SLC71A1: variants seen among roughly 807,000 people sequenced by gnomAD.
SLC71A1 encodes hippocampus abundant gene transcript 1.
At chr1:100,063,805 G>A in the SLC71A1 span, among the ~76,000 whole-genome samples, 1 of 152,140 alleles carries the variant, frequency 6.6e-6, no homozygotes, top group African/African-American at 2.4e-5. Flanking sequence ...CAAAAAAGGG[G>A]GTTGGGGGGT....
At chr1:100,074,774 C>T in the SLC71A1 span, among the ~76,000 whole-genome samples, 1 of 152,100 alleles carries the variant, frequency 6.6e-6, no homozygotes, top group Non-Finnish European at 1.5e-5. Context: ...ACTCGGGAGG[C>T]TGAGGCAGAA....
chr1:100,049,887 TA>T, the SLC71A1 span: 8 of 1,363,818 alleles, frequency 5.9e-6, no homozygotes, highest in Non-Finnish European at 7.2e-6. Context: ...TTTAACTTTT[TA>T]AAAAATCTTG....
the SLC71A1 span, among the ~76,000 whole-genome samples, chr1:100,063,248 T>G: frequency 6.6e-6 from 1 of 150,920 alleles, no homozygotes; most frequent in Non-Finnish European, 1.5e-5. Context: ...TTCTGTGTAT[T>G]AAGCCATGTT....
chr1:100,058,502 C>T, the SLC71A1 span, among the ~76,000 whole-genome samples: 1 of 151,976 alleles, frequency 6.6e-6, no homozygotes, highest in African/African-American at 2.4e-5. Flanking sequence ...TATTAAGTAC[C>T]ATATAAATAT....
At chr1:100,080,524 T>C in the SLC71A1 span, 2 of 1,613,892 alleles carry the variant, frequency 1.2e-6, no homozygotes, top group Non-Finnish European at 1.7e-6. Context: ...TAACAGGAAT[T>C]CGAGGATTAT....
the SLC71A1 span, among the ~76,000 whole-genome samples, chr1:100,054,542 G>C: frequency 6.6e-6 from 1 of 151,944 alleles, no homozygotes; most frequent in Admixed American, 6.6e-5. Flanking sequence ...CTATGGCTCT[G>C]GAAATAATAG....
At chr1:100,069,926 G>T in the SLC71A1 span, among the ~76,000 whole-genome samples, 1 of 152,080 alleles carries the variant, frequency 6.6e-6, no homozygotes, top group Non-Finnish European at 1.5e-5. Flanking sequence ...ATATATGTCT[G>T]GATGAAGTTA....
the SLC71A1 span, chr1:100,057,977 A>G: frequency 2.6e-5 from 4 of 152,186 alleles, no homozygotes; most frequent in African/African-American, 9.7e-5. Flanking sequence ...TTGGGATTAA[A>G]CAGGAGTACA....
At chr1:100,061,790 C>T in the SLC71A1 span, 1 of 1,160,826 alleles carries the variant, frequency 8.6e-7, no homozygotes, top group Non-Finnish European at 1.3e-6. Context: ...AAGATTAAAA[C>T]AATGGTAATT....
At chr1:100,059,987 T>C in the SLC71A1 span, 1 of 1,611,586 alleles carries the variant, frequency 6.2e-7, no homozygotes, top group Non-Finnish European at 8.5e-7. Context: ...CCAATTCCTT[T>C]AATGAAGATC....
the SLC71A1 span, chr1:100,068,225 T>TA: frequency 2.0e-6 from 3 of 1,536,740 alleles, no homozygotes; most frequent in Non-Finnish European, 2.7e-6. Context: ...TTCTCCTTGA[T>TA]AAAAAAGTGC....
chr1:100,062,234 GAATT>G, the SLC71A1 span: 3 of 248,396 alleles, frequency 1.2e-5, no homozygotes, highest in African/African-American at 2.3e-5. Context: ...CTAAAAATAA[GAATT>G]ATTTAGTATG....
chr1:100,044,858 T>A, the SLC71A1 span, among the ~76,000 whole-genome samples: 1 of 152,336 alleles, frequency 6.6e-6, no homozygotes, highest in South Asian at 2.1e-4. Context: ...GTTCCATTGG[T>A]CTTCATGCCT....
At chr1:100,049,538 A>G in the SLC71A1 span, among the ~76,000 whole-genome samples, 1 of 152,024 alleles carries the variant, frequency 6.6e-6, no homozygotes, top group South Asian at 2.1e-4. Flanking sequence ...GATATATGAG[A>G]CCCATAATGC....
chr1:100,067,593 T>C, the SLC71A1 span, among the ~76,000 whole-genome samples: 1 of 152,172 alleles, frequency 6.6e-6, no homozygotes, highest in Non-Finnish European at 1.5e-5. Flanking sequence ...GGAGGATCGC[T>C]TGAGCTCAGG....
At chr1:100,070,569 A>AT in the SLC71A1 span, among the ~76,000 whole-genome samples, 1 of 152,160 alleles carries the variant, frequency 6.6e-6, no homozygotes, top group Admixed American at 6.5e-5. Context: ...GATGAATAAG[A>AT]TATTAATCAA....
the SLC71A1 span, chr1:100,038,220 C>A: frequency 6.4e-7 from 1 of 1,552,324 alleles, no homozygotes; most frequent in Non-Finnish European, 8.7e-7. Context: ...CGCCAGGAAT[C>A]GAGGATGGTA....
chr1:100,063,416 A>T, the SLC71A1 span, among the ~76,000 whole-genome samples: 1 of 151,960 alleles, frequency 6.6e-6, no homozygotes, highest in African/African-American at 2.4e-5. Flanking sequence ...AGGCAGGGGG[A>T]TTGCTTGAGG....
chr1:100,062,737 G>C, the SLC71A1 span, among the ~76,000 whole-genome samples: 1 of 151,958 alleles, frequency 6.6e-6, no homozygotes, highest in Non-Finnish European at 1.5e-5. Context: ...AGAATCATAA[G>C]ATTTTTGGGG....
Sources: gnomAD v4.1 joint callset for allele counts (sites outside exome capture counted in the v4.1 genomes callset) on GRCh38, gnomAD v4.1.1 for gene constraint, MANE v1.5 for transcripts, NCBI Gene and HGNC (gene_info 2026-07-23, HGNC 2026-07-21) for gene names.